The following PTK6 variants were observed in gnomAD, a reference collection of about 807,000 sequenced individuals.
PTK6 encodes protein-tyrosine kinase 6.
Under a neutral mutation model 47.5 loss-of-function variants are expected in PTK6, and 47 were observed. That is an observed-to-expected ratio of 0.99 (90% CI 0.78 to 1.26). The LOEUF is 1.26. Among genes scored for constraint, PTK6 ranks in the 50% most tolerant of loss-of-function variants. The pLI is 0.00. For synonymous variants in PTK6, 287 were observed against 276.5 expected (o/e 1.04, Z -0.38); for missense variants, 618 against 625.3 (o/e 0.99, Z 0.12).
Position 63,530,334 on chromosome 20 carries a change from G to A in PTK6, c.1015-103C>T. The A allele has an allele frequency of 6.9e-7, 1 of 1,442,784 alleles. No homozygotes were observed. The highest frequency in any genetic ancestry group is 1.8e-5 in the Admixed American group (1 of 54,148). 89.4% of individuals were successfully genotyped at this position (1,442,784 alleles called of 1,614,324 possible). A position where few individuals can be genotyped will look rare whatever the true frequency, so the allele number is the denominator to read the frequency against. On this transcript the variant is annotated intron_variant, in intron 6 of 7. Transcript: ENST00000542869. This position sits in a 1 kb window ranked among gnomAD's most constrained non-coding sequence, Gnocchi z 4.1. Reference sequence around the variant, plus strand: ...CGCATTGCCCCAGCAGTGGGACGGTGATGACCCCACTGTCTGACCCACGCA... The same window carrying A: ...CGCATTGCCCCAGCAGTGGGACGGTAATGACCCCACTGTCTGACCCACGCA...
rs2082594117 is a variant in PTK6, at chr20:63,528,637, TCTC to T, written c.*896_*898del. The T allele has an allele frequency of 6.6e-6, 1 of 151,900 alleles. No homozygotes were observed. The highest frequency in any genetic ancestry group is 2.4e-5 in the African/African-American group (1 of 41,332). The allele number at this position is 151,900 out of a possible 1,614,324, so 9.4% of individuals were successfully genotyped here. ...ACCGTGTTAGCCAGGATGGTGTCGATCTCCTGACCTCGTGATCCACCTGCCTCA... is the reference window on the plus strand; with the variant it reads ...ACCGTGTTAGCCAGGATGGTGTCGATCTGACCTCGTGATCCACCTGCCTCA... On this transcript the variant is annotated 3_prime_UTR_variant, in exon 8 of 8. Transcript: ENST00000542869.
rs2082591205 is a variant in PTK6 at position 63,528,383 on chromosome 20, C to T, written c.*1153G>A. On this transcript the variant is annotated 3_prime_UTR_variant, in exon 8 of 8. Coordinates refer to ENST00000542869, the MANE Select transcript of PTK6 (RefSeq NM_005975.4). The stretch of plus-strand genomic sequence containing the variant: ...ATCCTAGTACCTTTCCAGAAACTCC[C>T]AAAATTATTTTTCTTTCTTTCTTTT... The T allele has an allele frequency of 6.6e-6, 1 of 151,470 alleles. No individual in the cohort carries two copies. The highest frequency in any genetic ancestry group is 1.5e-5 in the Non-Finnish European group (1 of 67,934). The allele number at this position is 151,470 out of a possible 1,614,324, so 9.4% of individuals were successfully genotyped here.
Position 63,533,151 on chromosome 20 carries a change from TCCG to T in PTK6, c.670+397_670+399del, listed in dbSNP as rs2082638425. 1.3e-5 allele frequency among the ~76,000 whole-genome samples: 2 copies of T among 151,582 alleles called. No individual in the cohort carries two copies. Among genetic ancestry groups the T allele is most frequent in the African/African-American group, 4.9e-5 (2 of 41,110 alleles). On this transcript the variant is annotated intron_variant, in intron 4 of 7. Coordinates refer to ENST00000542869, the MANE Select transcript of PTK6 (RefSeq NM_005975.4). The surrounding 1 kb of genome is among the most constrained non-coding windows in gnomAD (Gnocchi z 4.0). ...GGCGCGATCTCAGCTCACTGCAATC[TCCG>T]CCTCCTGGGTTGAAGCGATTCTCCT...
chr20:63,534,196 G>A lies in PTK6; in HGVS notation c.472C>T (p.Gln158Ter). ...LPELVNYHRA[Q>*]SLSHGLRLAA... is the part of the protein sequence containing the mutation. ...AGCCGCAGGCCGTGGGACAGGCTCT[G>A]GGCCCTGTGGTAGTTCACAAGCTCG... Residue 158 changes from glutamine to a stop codon, truncating the protein, a stop_gained, in exon 3 of 8, where the codon CAG becomes TAG. Transcript: ENST00000542869. LOFTEE classifies it high-confidence loss of function. The A allele has an allele frequency of 6.3e-7, 1 of 1,575,478 alleles. No homozygotes were observed. Among genetic ancestry groups the A allele is most frequent in the Non-Finnish European group, 8.6e-7 (1 of 1,161,750 alleles).
At position 63,529,869 on chromosome 20, in the gene PTK6, G is replaced by C; in HGVS notation, c.1169-146C>G. On this transcript the variant is annotated intron_variant, in intron 7 of 7. Coordinates refer to ENST00000542869, the MANE Select transcript of PTK6 (RefSeq NM_005975.4). This position sits in a 1 kb window ranked among gnomAD's most constrained non-coding sequence, Gnocchi z 5.6. ...GGCGCCACCCAGCACACTGTCCACT[G>C]CTAACACCTCCCTCTGGACAGGGCT... is the stretch of plus-strand genomic sequence containing the variant. 9.0e-7 allele frequency: 1 copy of C among 1,108,200 alleles called. No homozygotes were observed. The highest frequency in any genetic ancestry group is 1.3e-6 in the Non-Finnish European group (1 of 793,448). The allele number at this position is 1,108,200 out of a possible 1,614,324, so 68.6% of individuals were successfully genotyped here.
At position 63,530,964 on chromosome 20, in the gene PTK6, G is replaced by A. The variant is rs1418408719; in HGVS notation, c.833-37C>T. ...AGTGGAGCAGAGCCTGGGGTCAGCT[G>A]AGCCAGCTGAGGTGGGGAAGGGTTG... On this transcript the variant is annotated intron_variant, in intron 5 of 7. Coordinates refer to ENST00000542869, the MANE Select transcript of PTK6 (RefSeq NM_005975.4). The surrounding 1 kb of genome is among the most constrained non-coding windows in gnomAD (Gnocchi z 4.1). 6.5e-7 allele frequency: 1 copy of A among 1,530,072 alleles called. No individual in the cohort carries two copies. The highest frequency in any genetic ancestry group is 1.4e-5 in the African/African-American group (1 of 71,600). 94.8% of individuals were successfully genotyped at this position (1,530,072 alleles called of 1,614,324 possible).
chr20:63,534,145 C>G lies in PTK6; in HGVS notation c.516+7G>C. 6.5e-7 allele frequency: 1 copy of G among 1,543,578 alleles called. No homozygotes were observed. The highest frequency in any genetic ancestry group is 8.7e-7 in the Non-Finnish European group (1 of 1,145,276). ...CCCGCGTGACCAAGTCAGGGCGGAG[C>G]GGCTACCTTCCGGCAGGGCGCGGCC... is the stretch of plus-strand genomic sequence containing the variant. On this transcript the variant is annotated splice_region_variant and intron_variant, in intron 3 of 7. Coordinates refer to ENST00000542869, the MANE Select transcript of PTK6 (RefSeq NM_005975.4).
rs565530751 is a variant in PTK6, at chr20:63,534,220, C to T, written c.448G>A (p.Glu150Lys). ...TGGGCCCTGTGGTAGTTCACAAGCT[C>T]GGGCAGGCTGAGGAAGGACACCGCC... ...NEAVSFLSLP[E>K]LVNYHRAQSL... is the part of the protein sequence containing the mutation. Residue 150 changes from glutamate (E) to lysine (K), a missense_variant, in exon 3 of 8, where the codon GAG (glutamate) becomes AAG (lysine). Coordinates refer to ENST00000542869, the MANE Select transcript of PTK6 (RefSeq NM_005975.4). 33 of 1,596,154 alleles carry T rather than the reference C, an allele frequency of 2.1e-5. No individual in the cohort carries two copies. The South Asian group carries it at 2.2e-4, about 10-fold the overall frequency.
At position 63,534,211 on chromosome 20, in the gene PTK6, T is replaced by C. The variant is rs1457578319; in HGVS notation, c.457A>G (p.Asn153Asp). 6.3e-7 allele frequency: 1 copy of C among 1,589,222 alleles called. No individual in the cohort carries two copies. The highest frequency in any genetic ancestry group is 1.1e-5 in the South Asian group (1 of 87,406). ...GACAGGCTCTGGGCCCTGTGGTAGTTCACAAGCTCGGGCAGGCTGAGGAAG... is the reference window on the plus strand; with the variant it reads ...GACAGGCTCTGGGCCCTGTGGTAGTCCACAAGCTCGGGCAGGCTGAGGAAG... ...VSFLSLPELV[N>D]YHRAQSLSHG... is the part of the protein sequence containing the mutation. Residue 153 changes from asparagine (N) to aspartate (D), a missense_variant, in exon 3 of 8, where the codon AAC (asparagine) becomes GAC (aspartate). By Grantham distance (23) the Asn-to-Asp change is conservative. Transcript: ENST00000542869.
At chr20:63,531,029 G>C (rs962775816) in intron 5 of PTK6, 102 bp from the exon 6 acceptor site, 2 of 1,143,922 alleles carry the variant, frequency 1.7e-6, no homozygotes, top group Admixed American at 3.2e-5. Context: ...CAAGCTCTGC[G>C]GGCTCAGAGG....
At chr20:63,534,362 T>A in intron 2 of PTK6, 47 bp from the exon 3 acceptor site, 9 of 1,524,950 alleles carry the variant, frequency 5.9e-6, no homozygotes, top group Non-Finnish European at 7.0e-6. Context: ...CTCCGACGCC[T>A]CCCTGCGTCC....
intron 1 of PTK6, 86 bp from the exon 2 acceptor site, chr20:63,535,145 C>T (rs2082654971): frequency 6.8e-7 from 1 of 1,471,340 alleles, no homozygotes; most frequent in African/African-American, 1.4e-5. Flanking sequence ...GCCTGGAACC[C>T]CAGCCGCCCT....
In PTK6 at chr20:63,528,664, C is replaced by T. The variant is rs1046433421; in HGVS notation, c.*872G>A. 6 of 152,118 alleles carry T rather than the reference C, an allele frequency of 3.9e-5. No individual in the cohort carries two copies. Among genetic ancestry groups the T allele is most frequent in the Non-Finnish European group, 8.8e-5 (6 of 68,008 alleles). The allele number at this position is 152,118 out of a possible 1,614,324, so 9.4% of individuals were successfully genotyped here. On this transcript the variant is annotated 3_prime_UTR_variant, in exon 8 of 8. Coordinates refer to ENST00000542869, the MANE Select transcript of PTK6 (RefSeq NM_005975.4). ...TCCTGACCTCGTGATCCACCTGCCT[C>T]AGCCTCCCAAAGTGCTGGGATTACA...
At chr20:63,535,750 CCACCTGGCCTCCCGCCCCCCCCCT>C (rs2082659696) in intron 1 of PTK6, among the ~76,000 whole-genome samples, 10 of 138,864 alleles carry the variant, frequency 7.2e-5, no homozygotes, top group Admixed American at 4.8e-4. Flanking sequence ...GCCCCTCCAA[CCACCTGGCCTCCCGCCCCCCCCCT>C]CACCTGGCCT....
Position 63,530,637 on chromosome 20 carries a change from G to T in PTK6, c.1014+109C>A. The T allele has an allele frequency of 7.4e-7, 1 of 1,360,030 alleles. No homozygotes were observed. The highest frequency in any genetic ancestry group is 1.4e-5 in the South Asian group (1 of 73,354). 84.2% of individuals were successfully genotyped at this position (1,360,030 alleles called of 1,614,324 possible). On this transcript the variant is annotated intron_variant, in intron 6 of 7. Coordinates refer to ENST00000542869, the MANE Select transcript of PTK6 (RefSeq NM_005975.4). The surrounding 1 kb of genome is among the most constrained non-coding windows in gnomAD (Gnocchi z 4.1). ...TGCCCAGCCTGGGCTCCCGAGGGCAGGGGCCGCATCCTGCTCCCAGCCGAG... is the reference window on the plus strand; with the variant it reads ...TGCCCAGCCTGGGCTCCCGAGGGCATGGGCCGCATCCTGCTCCCAGCCGAG...
Position 63,534,187 on chromosome 20 carries a change from A to T in PTK6, c.481T>A (p.Ser161Thr). ...GGCGCGGCCAGCCGCAGGCCGTGGGACAGGCTCTGGGCCCTGTGGTAGTTC... is the reference window on the plus strand; with the variant it reads ...GGCGCGGCCAGCCGCAGGCCGTGGGTCAGGCTCTGGGCCCTGTGGTAGTTC... ...LVNYHRAQSL[S>T]HGLRLAAPCR... Residue 161 changes from serine (S) to threonine (T), a missense_variant, in exon 3 of 8, where the codon TCC becomes ACC. Ser to Thr is a moderately conservative substitution (Grantham distance 58). Transcript: ENST00000542869. The T allele has an allele frequency of 1.3e-6, 2 of 1,569,706 alleles. No individual in the cohort carries two copies. Among genetic ancestry groups the T allele is most frequent in the Non-Finnish European group, 8.6e-7 (1 of 1,158,702 alleles).
rs138147541 is a variant in PTK6, at chr20:63,530,902, A to C, written c.858T>G (p.Val286=). Residue 286 remains valine (V), a synonymous_variant, in exon 6 of 8, where the codon GTT becomes GTG. Transcript: ENST00000542869. The surrounding 1 kb of genome is among the most constrained non-coding windows in gnomAD (Gnocchi z 4.1). The stretch of plus-strand genomic sequence containing the variant: ...GCCAGGCGATGTCCAGCAGCTCCGA[A>C]ACGGGCAGGACTTTCTCATCAGAGT... ...LRDSDEKVLP[V]SELLDIAWQV... 1.7e-5 allele frequency: 28 copies of C among 1,612,588 alleles called. No individual in the cohort carries two copies. Among genetic ancestry groups the C allele is most frequent in the Non-Finnish European group, 2.2e-5 (26 of 1,179,454 alleles).
intron 1 of PTK6, among the ~76,000 whole-genome samples, chr20:63,536,496 A>T (rs2082668729): frequency 6.6e-6 from 1 of 151,396 alleles, no homozygotes; most frequent in South Asian, 2.1e-4. Context: ...CTGATGAGAA[A>T]CGCGGGATCT....
In PTK6 at chr20:63,533,513, C is replaced by A; in HGVS notation, c.670+38G>T. 6.5e-7 allele frequency: 1 copy of A among 1,545,526 alleles called. No individual in the cohort carries two copies. The highest frequency in any genetic ancestry group is 8.8e-7 in the Non-Finnish European group (1 of 1,141,524). ...GGGTGGGAGGGTGGCCCAGGGCAGG[C>A]ACGGGGCCACACAGAGCCCTGATCG... On this transcript the variant is annotated intron_variant, in intron 4 of 7. Coordinates refer to ENST00000542869, the MANE Select transcript of PTK6 (RefSeq NM_005975.4). The surrounding 1 kb of genome is among the most constrained non-coding windows in gnomAD (Gnocchi z 4.0).
Sources: gnomAD v4.1 joint callset for allele counts (sites outside exome capture counted in the v4.1 genomes callset) on GRCh38, gnomAD v4.1.1 for gene constraint, Gnocchi (gnomAD v3.1) non-coding constraint, MANE v1.5 for transcripts, NCBI Gene and HGNC (gene_info 2026-07-23, HGNC 2026-07-21) for gene names.